Variants in WDFY2 observed in about 807,000 individuals in gnomAD.
The protein encoded by WDFY2 is WD repeat and FYVE domain containing 2, also known as WD repeat and FYVE domain-containing protein 2.
In WDFY2, 36 loss-of-function variants were observed where a neutral mutation model predicts 56.4. That is an observed-to-expected ratio of 0.64 (90% CI 0.49 to 0.84). The LOEUF is 0.84. Ranked by LOEUF, WDFY2 falls within the 40% of genes least tolerant of loss-of-function variation. The pLI, the probability that WDFY2 is intolerant of heterozygous loss-of-function variation, is 0.00. For synonymous variants in WDFY2, 176 were observed against 183.7 expected, an observed-to-expected ratio of 0.96 and a Z score of 0.34; for missense variants, 444 against 512.2, an observed-to-expected ratio of 0.87 and a Z score of 1.29.
chr13:51,611,578 G>C (rs1261473001), intron 1 of WDFY2, among the ~76,000 whole-genome samples: 1 of 152,126 alleles, frequency 6.6e-6, no homozygotes, highest in Non-Finnish European at 1.5e-5. Context: ...CAACACTGTT[G>C]GTTATCTGTT....
chr13:51,672,413 T>C (rs1179367159), intron 2 of WDFY2, among the ~76,000 whole-genome samples: 2 of 152,210 alleles, frequency 1.3e-5, no homozygotes, highest in African/African-American at 2.4e-5. Flanking sequence ...TGTATGCCTG[T>C]TTTTATAACA....
chr13:51,593,504 T>TA (rs1199056969), intron 1 of WDFY2, among the ~76,000 whole-genome samples: 1 of 152,190 alleles, frequency 6.6e-6, no homozygotes, highest in Non-Finnish European at 1.5e-5. Context: ...TTAAAATGCT[T>TA]ATAGTTATGT....
chr13:51,704,552 AG>A (rs1952046194), intron 4 of WDFY2, among the ~76,000 whole-genome samples: 1 of 152,212 alleles, frequency 6.6e-6, no homozygotes, highest in African/African-American at 2.4e-5. Flanking sequence ...ACAGAAACTG[AG>A]TACAATCTCT....
At chr13:51,696,275 C>T (rs767576106) in intron 3 of WDFY2, among the ~76,000 whole-genome samples, 9 of 152,214 alleles carry the variant, frequency 5.9e-5, no homozygotes, top group Non-Finnish European at 1.0e-4. Flanking sequence ...GCATCGCTGA[C>T]GCTGGGAGCT....
intron 8 of WDFY2, among the ~76,000 whole-genome samples, chr13:51,752,369 A>G (rs1351622248): frequency 6.6e-6 from 1 of 152,214 alleles, no homozygotes; most frequent in South Asian, 2.1e-4. Context: ...TTTGAAAACT[A>G]TATTTGGCAC....
chr13:51,655,152 G>C, intron 1 of WDFY2, among the ~76,000 whole-genome samples: 1 of 151,760 alleles, frequency 6.6e-6, no homozygotes, highest in East Asian at 1.9e-4. Context: ...TCTTCCAATA[G>C]AAATAGTTTT....
intron 1 of WDFY2, among the ~76,000 whole-genome samples, chr13:51,600,923 A>G (rs1311116720): frequency 6.6e-6 from 1 of 152,144 alleles, no homozygotes; most frequent in Non-Finnish European, 1.5e-5. Flanking sequence ...AGCAGGTGAC[A>G]TGTTCAGATG....
At chr13:51,671,618 T>G (rs1260165232) in intron 2 of WDFY2, among the ~76,000 whole-genome samples, 1 of 152,102 alleles carries the variant, frequency 6.6e-6, no homozygotes, top group Admixed American at 6.6e-5. Context: ...ATTAGTCCTT[T>G]GTTGGATGTT....
At chr13:51,660,968 A>T (rs1016104849) in intron 2 of WDFY2, among the ~76,000 whole-genome samples, 1 of 152,178 alleles carries the variant, frequency 6.6e-6, no homozygotes, top group African/African-American at 2.4e-5. Context: ...TTTGTAAAGT[A>T]TGTCCTTAGG....
At chr13:51,627,857 G>A (rs569358269) in intron 1 of WDFY2, among the ~76,000 whole-genome samples, 1 of 152,270 alleles carries the variant, frequency 6.6e-6, no homozygotes, top group South Asian at 2.1e-4. Context: ...GCAGAGAGGA[G>A]ACCCACAGTG....
At chr13:51,727,208 G>C (rs2138653299) in intron 5 of WDFY2, among the ~76,000 whole-genome samples, 1 of 152,118 alleles carries the variant, frequency 6.6e-6, no homozygotes, top group African/African-American at 2.4e-5. Context: ...TTGTGCTTTT[G>C]GGTTTATTTC....
At chr13:51,745,949 ACTTTT>A (rs1041012779) in intron 7 of WDFY2, among the ~76,000 whole-genome samples, 2 of 143,202 alleles carry the variant, frequency 1.4e-5, no homozygotes, top group Non-Finnish European at 3.1e-5. Flanking sequence ...CTTGCACTGG[ACTTTT>A]CTTTTTCTTT....
intron 1 of WDFY2, among the ~76,000 whole-genome samples, chr13:51,607,949 A>T (rs1954414859): frequency 6.6e-6 from 1 of 152,212 alleles, no homozygotes; most frequent in African/African-American, 2.4e-5. Flanking sequence ...AGGCAGAAGG[A>T]TTAGAATCAG....
intron 1 of WDFY2, among the ~76,000 whole-genome samples, chr13:51,612,734 A>C (rs1954527494): frequency 6.6e-6 from 1 of 152,220 alleles, no homozygotes; most frequent in Non-Finnish European, 1.5e-5. Flanking sequence ...TTGACCATAT[A>C]CATTATGTTC....
At chr13:51,695,898 C>G (rs900894954) in intron 3 of WDFY2, among the ~76,000 whole-genome samples, 1 of 152,350 alleles carries the variant, frequency 6.6e-6, no homozygotes, top group Middle Eastern at 3.4e-3. Context: ...GCCCCTCCCC[C>G]AGCCTTGCTG....
At chr13:51,671,011 G>C (rs553057877) in intron 2 of WDFY2, among the ~76,000 whole-genome samples, 1 of 152,186 alleles carries the variant, frequency 6.6e-6, no homozygotes, top group Admixed American at 6.5e-5. Context: ...TAGAATAATG[G>C]TCTCCAATTC....
At chr13:51,648,652 A>G (rs1403472116) in intron 1 of WDFY2, among the ~76,000 whole-genome samples, 2 of 152,196 alleles carry the variant, frequency 1.3e-5, no homozygotes, top group Non-Finnish European at 2.9e-5. Flanking sequence ...ATGGGTCAGT[A>G]GGTACAGCAG....
chr13:51,597,332 A>C (rs1954170460), intron 1 of WDFY2, among the ~76,000 whole-genome samples: 1 of 152,198 alleles, frequency 6.6e-6, no homozygotes, highest in Non-Finnish European at 1.5e-5. Flanking sequence ...TATTTTGGTC[A>C]TAAGAACTTC....
intron 6 of WDFY2, among the ~76,000 whole-genome samples, chr13:51,728,605 G>A (rs1952654740): frequency 1.3e-5 from 2 of 152,070 alleles, no homozygotes; most frequent in Non-Finnish European, 2.9e-5. Flanking sequence ...AGGGGAAAGA[G>A]GATGTAAAAT....
Sources: allele counts gnomAD v4.1 joint callset (sites outside exome capture counted in the v4.1 genomes callset), GRCh38; gene constraint gnomAD v4.1.1; transcripts MANE v1.5; gene names NCBI Gene and HGNC (gene_info 2026-07-23, HGNC 2026-07-21).